Variants in BRCA2 observed in about 807,000 individuals in gnomAD.
BRCA2 encodes the protein BRCA2 DNA repair associated, also known as breast cancer type 2 susceptibility protein.
Under a neutral mutation model 276.7 loss-of-function variants are expected in BRCA2, and 203 were observed. The observed-to-expected ratio is 0.73, with a 90% confidence interval of 0.65 to 0.82. The LOEUF is 0.82. Ranked by LOEUF, BRCA2 falls within the 40% of genes least tolerant of loss-of-function variation. The pLI, the probability that BRCA2 is intolerant of heterozygous loss-of-function variation, is 0.00. For missense variants in BRCA2, 3,920 were observed against 3,915.0 expected (o/e 1.00, Z -0.03); for synonymous variants, 1,289 against 1,338.4 (o/e 0.96, Z 0.81).
chr13:32,345,985 G>A (rs1196549749), intron 12 of BRCA2, among the ~76,000 whole-genome samples: 9 of 151,878 alleles, frequency 5.9e-5, no homozygotes, highest in East Asian at 3.9e-4. Flanking sequence ...TAATTCTTCC[G>A]GATGTGGTTA....
At chr13:32,326,048 G>A in intron 4 of BRCA2, 53 bp from the exon 5 acceptor site, 1 of 1,494,700 alleles carries the variant, frequency 6.7e-7, no homozygotes. Context: ...AGATAAACTA[G>A]TTTTTGCCAG....
chr13:32,360,762 A>G (rs1345601055), intron 16 of BRCA2, among the ~76,000 whole-genome samples: 3 of 152,186 alleles, frequency 2.0e-5, no homozygotes, highest in Non-Finnish European at 4.4e-5. Flanking sequence ...TACATGTGAG[A>G]GGTGGTTGGT....
chr13:32,324,574 T>C (rs1235238923), intron 3 of BRCA2, among the ~76,000 whole-genome samples: 2 of 152,216 alleles, frequency 1.3e-5, no homozygotes, highest in Non-Finnish European at 2.9e-5. Context: ...ACAAGTGATA[T>C]TGTCAGATCT....
At chr13:32,322,620 G>A (rs574009860) in intron 3 of BRCA2, among the ~76,000 whole-genome samples, 2 of 152,164 alleles carry the variant, frequency 1.3e-5, no homozygotes, top group East Asian at 1.9e-4. Context: ...CCCTCATTCC[G>A]GTAAACCCAC....
At position 32,340,307 on chromosome 13, in the gene BRCA2, A is replaced by G. The variant is rs786201742; in HGVS notation, c.5952A>G (p.Lys1984=). The change falls in exon 11 of 27, where the codon AAA becomes AAG. Residue 1984 remains lysine (K), a synonymous_variant. Coordinates refer to ENST00000380152, the MANE Select transcript of BRCA2 (RefSeq NM_000059.4). ...TCGIFSTASG[K]SVQVSDASLQ... The stretch of plus-strand genomic sequence containing the variant: ...GGATTTTTAGCACAGCAAGTGGAAA[A>G]TCTGTCCAGGTATCAGATGCTTCAT... 1.2e-6 allele frequency: 2 copies of G among 1,614,028 alleles called. No homozygotes were observed. Among genetic ancestry groups the G allele is most frequent in the Non-Finnish European group, 1.7e-6 (2 of 1,179,930 alleles).
intron 26 of BRCA2, 133 bp from the exon 27 acceptor site, chr13:32,398,029 C>A: frequency 1.2e-6 from 1 of 851,460 alleles, no homozygotes; most frequent in Non-Finnish European, 1.8e-6. Context: ...ATCACCTAAC[C>A]TATTAGGAGT....
At chr13:32,317,000 C>T (rs1004985485) in intron 2 of BRCA2, among the ~76,000 whole-genome samples, 1 of 152,138 alleles carries the variant, frequency 6.6e-6, no homozygotes. Flanking sequence ...AAGTTTGAGA[C>T]CAGCCTGGCC....
At chr13:32,397,318 G>T (rs2073043860) in intron 26 of BRCA2, among the ~76,000 whole-genome samples, 1 of 152,094 alleles carries the variant, frequency 6.6e-6, no homozygotes, top group Non-Finnish European at 1.5e-5. Context: ...TACAATTAGG[G>T]TTGTTTCTAA....
intron 3 of BRCA2, among the ~76,000 whole-genome samples, chr13:32,323,094 T>A (rs934539286): frequency 3.9e-5 from 6 of 152,208 alleles, no homozygotes; most frequent in African/African-American, 1.4e-4. Context: ...TGTCAGTGTT[T>A]TGAATTCTAG....
Position 32,398,870 on chromosome 13 carries a change from A to G in BRCA2, c.*100A>G, listed in dbSNP as rs2137668878. 2.1e-6 allele frequency: 3 copies of G among 1,421,134 alleles called. No individual in the cohort carries two copies. Among genetic ancestry groups the G allele is most frequent in the Admixed American group, 4.8e-5 (2 of 41,942 alleles). 88.0% of individuals were successfully genotyped at this position (1,421,134 alleles called of 1,614,324 possible). A position where few individuals can be genotyped will look rare whatever the true frequency, so the allele number is the denominator to read the frequency against. On this transcript the variant is annotated 3_prime_UTR_variant, in exon 27 of 27. Coordinates refer to ENST00000380152, the MANE Select transcript of BRCA2 (RefSeq NM_000059.4). ...CACACATTAGTACTTATGTTGCACA[A>G]TGAGAAAAGAAATTAGTTTCAAATT...
At chr13:32,325,819 C>A (rs751636915) in intron 4 of BRCA2, among the ~76,000 whole-genome samples, 2 of 152,268 alleles carry the variant, frequency 1.3e-5, no homozygotes, top group Middle Eastern at 3.4e-3. Context: ...GGATTACAGG[C>A]GTGAACCACT....
intron 24 of BRCA2, among the ~76,000 whole-genome samples, chr13:32,387,659 C>T (rs1314298326): frequency 6.6e-6 from 1 of 152,216 alleles, no homozygotes; most frequent in Non-Finnish European, 1.5e-5. Flanking sequence ...TCAGTGGTCA[C>T]ACTCCTTGTC....
Position 32,340,377 on chromosome 13 carries a change from A to G in BRCA2, c.6022A>G (p.Lys2008Glu). ...GTTTTCTGAAATAGAAGATAGTACC[A>G]AGCAAGTCTTTTCCAAAGTATTGTT... ...QVFSEIEDST[K>E]QVFSKVLFKS... The change falls in exon 11 of 27, where the codon AAG (lysine) becomes GAG (glutamate). Residue 2008 changes from lysine (K) to glutamate (E), a missense_variant. This residue lies in a region of BRCA2 where 3,263 missense variants were observed against 3,156.9 expected (regional missense o/e 1.03). Coordinates refer to ENST00000380152, the MANE Select transcript of BRCA2 (RefSeq NM_000059.4). 1 of 1,613,956 alleles carries G rather than the reference A, an allele frequency of 6.2e-7. No homozygotes were observed. Among genetic ancestry groups the G allele is most frequent in the East Asian group, 2.2e-5 (1 of 44,846 alleles).
At chr13:32,358,594 C>G (rs2072717501) in intron 16 of BRCA2, among the ~76,000 whole-genome samples, 1 of 151,478 alleles carries the variant, frequency 6.6e-6, no homozygotes, top group African/African-American at 2.4e-5. Flanking sequence ...GAGTTTGAGA[C>G]CAGCCTGGGC....
At chr13:32,391,636 T>C (rs2137646522) in intron 24 of BRCA2, among the ~76,000 whole-genome samples, 1 of 152,374 alleles carries the variant, frequency 6.6e-6, no homozygotes, top group South Asian at 2.1e-4. Flanking sequence ...CCTTTATTGT[T>C]TCAGTGACAT....
chr13:32,326,205 A>G lies in BRCA2; in HGVS notation c.476-37A>G, dbSNP rs775202093. The G allele has an allele frequency of 1.1e-5, 17 of 1,611,292 alleles. No individual in the cohort carries two copies. The African/African-American group carries it at 1.7e-4, about 16-fold the overall frequency. On this transcript the variant is annotated intron_variant, in intron 5 of 26. Coordinates refer to ENST00000380152, the MANE Select transcript of BRCA2 (RefSeq NM_000059.4). The stretch of plus-strand genomic sequence containing the variant: ...TAGAATACTAGAAATGTTAATAAAA[A>G]TAAAACTTAACAATTTTCCCCTTTT...
chr13:32,354,778 A>G, intron 13 of BRCA2, 83 bp from the exon 14 acceptor site: 2 of 972,850 alleles, frequency 2.1e-6, no homozygotes, highest in South Asian at 1.4e-5. Flanking sequence ...CATGTAGCAA[A>G]TGAGGGTCTG....
chr13:32,386,373 A>T (rs2072960709), intron 24 of BRCA2, among the ~76,000 whole-genome samples: 1 of 152,162 alleles, frequency 6.6e-6, no homozygotes. Flanking sequence ...GCACCACTGC[A>T]CTCCAGCCTG....
Position 32,357,158 on chromosome 13 carries a change from G to A in BRCA2, c.7617+549G>A, listed in dbSNP as rs11571710. Among the ~76,000 whole-genome samples the A allele has an allele frequency of 9.0e-3, 1,371 of 152,264 alleles. 22 individuals are homozygous for A. Among genetic ancestry groups the A allele is most frequent in the African/African-American group, 0.031 (1,304 of 41,546 alleles). The stretch of plus-strand genomic sequence containing the variant: ...CTTGAAAGAAAGGCACTGTTACTTT[G>A]TTTCCATTTTGCAAATGAGAGAACT... On this transcript the variant is annotated intron_variant, in intron 15 of 26. Transcript: ENST00000380152.
Sources: allele counts gnomAD v4.1 joint callset (sites outside exome capture counted in the v4.1 genomes callset), GRCh38; gene constraint gnomAD v4.1.1; regional missense constraint gnomAD v4.1.1; transcripts MANE v1.5; gene names NCBI Gene and HGNC (gene_info 2026-07-23, HGNC 2026-07-21).